INO80C: variants seen among roughly 807,000 people sequenced by gnomAD.
The protein encoded by INO80C is IES6 homolog.
In INO80C, 17 loss-of-function variants were observed where a neutral mutation model predicts 17.7. That is an observed-to-expected ratio of 0.96 (90% confidence interval 0.66 to 1.44). The LOEUF is 1.44. Among genes scored for constraint, INO80C ranks in the 40% most tolerant of loss-of-function variants. The pLI, the probability that INO80C is intolerant of heterozygous loss-of-function variation, is 0.00. For synonymous variants in INO80C, 96 were observed against 95.8 expected, an observed-to-expected ratio of 1.00 and a Z score of -0.01; for missense variants, 244 against 245.0, an observed-to-expected ratio of 1.00 and a Z score of 0.03.
chr18:35,485,262 C>T (rs1374933626), intron 1 of INO80C, among the ~76,000 whole-genome samples: 3 of 152,146 alleles, frequency 2.0e-5, no homozygotes, highest in East Asian at 1.9e-4. Context: ...CTAAAGGACA[C>T]GGGAGCCAGT....
chr18:35,495,071 T>C (rs1293668121), intron 1 of INO80C, among the ~76,000 whole-genome samples: 1 of 152,216 alleles, frequency 6.6e-6, no homozygotes, highest in East Asian at 1.9e-4. Context: ...GTACTGTGCT[T>C]ATGCCTGCTT....
At chr18:35,492,559 T>C (rs2045942940) in intron 1 of INO80C, among the ~76,000 whole-genome samples, 1 of 152,200 alleles carries the variant, frequency 6.6e-6, no homozygotes, top group Admixed American at 6.5e-5. Context: ...AAAAGGTAAT[T>C]TTAAAAATAG....
intron 4 of INO80C, among the ~76,000 whole-genome samples, chr18:35,477,684 C>T (rs1457637539): frequency 6.6e-6 from 1 of 152,172 alleles, no homozygotes; most frequent in Non-Finnish European, 1.5e-5. Context: ...TAGCAACTTG[C>T]CCACTTCCCA....
intron 3 of INO80C, 23 bp downstream of exon 3, chr18:35,479,277 A>G: frequency 1.4e-6 from 2 of 1,428,432 alleles, no homozygotes; most frequent in Non-Finnish European, 2.0e-6. Flanking sequence ...TTACAAACAC[A>G]TGGAAGGCTC....
At chr18:35,494,322 C>A (rs1264665820) in intron 1 of INO80C, among the ~76,000 whole-genome samples, 1 of 152,192 alleles carries the variant, frequency 6.6e-6, no homozygotes, top group Non-Finnish European at 1.5e-5. Flanking sequence ...AGACACTAAT[C>A]TAGGTGCAGC....
chr18:35,483,605 ATGAGTGATTCAT>A (rs2045840349), intron 1 of INO80C: 1 of 152,178 alleles, frequency 6.6e-6, no homozygotes, highest in African/African-American at 2.4e-5. Context: ...GTACCAAATA[ATGAGTGATTCAT>A]TGATTAACTG....
chr18:35,495,599 T>C (rs1176664792), intron 1 of INO80C, among the ~76,000 whole-genome samples: 2 of 152,170 alleles, frequency 1.3e-5, no homozygotes, highest in Admixed American at 1.3e-4. Context: ...CTGAAGGCAT[T>C]TGACCACTTT....
In INO80C at chr18:35,479,293, A is replaced by G; in HGVS notation, c.379+7T>C. ...TACAAACACATGGAAGGCTCTAGAC[A>G]GCTCACAGTTAGGATCGTTCAGTTG... On this transcript the variant is annotated splice_region_variant and intron_variant, in intron 3 of 4. Coordinates refer to ENST00000334598, the MANE Select transcript of INO80C (RefSeq NM_194281.4). The G allele has an allele frequency of 6.4e-7, 1 of 1,566,926 alleles. No homozygotes were observed. The highest frequency in any genetic ancestry group is 8.8e-7 in the Non-Finnish European group (1 of 1,137,028).
At chr18:35,483,043 C>A (rs1382273815) in intron 1 of INO80C, among the ~76,000 whole-genome samples, 1 of 152,154 alleles carries the variant, frequency 6.6e-6, no homozygotes, top group African/African-American at 2.4e-5. Flanking sequence ...TTTTCTGGTG[C>A]GATATCCATT....
At chr18:35,468,802 T>A in intron 4 of INO80C, 60 bp from the exon 5 acceptor site, 3 of 1,516,812 alleles carry the variant, frequency 2.0e-6, no homozygotes, top group Non-Finnish European at 2.7e-6. Flanking sequence ...ATATTTTAAG[T>A]TCAAGTTTAA....
intron 1 of INO80C, among the ~76,000 whole-genome samples, chr18:35,484,505 G>A (rs1364263387): frequency 6.6e-6 from 1 of 152,184 alleles, no homozygotes; most frequent in Non-Finnish European, 1.5e-5. Context: ...ACCACAGACA[G>A]AAGACATTTG....
intron 1 of INO80C, among the ~76,000 whole-genome samples, chr18:35,480,925 AG>A (rs1242400054): frequency 6.6e-6 from 1 of 152,276 alleles, no homozygotes; most frequent in Non-Finnish European, 1.5e-5. Context: ...CCAGGGGAAC[AG>A]GTTCAAGGTC....
chr18:35,495,554 T>C (rs1374044393), intron 1 of INO80C, among the ~76,000 whole-genome samples: 2 of 152,198 alleles, frequency 1.3e-5, no homozygotes, highest in African/African-American at 4.8e-5. Context: ...AGTTAAGATT[T>C]CCACCATATT....
At chr18:35,471,186 C>T (rs1290143653) in intron 4 of INO80C, among the ~76,000 whole-genome samples, 1 of 152,212 alleles carries the variant, frequency 6.6e-6, no homozygotes, top group Non-Finnish European at 1.5e-5. Flanking sequence ...CAGACGAACA[C>T]GTTCTCCTCT....
chr18:35,490,177 A>C (rs1256222232), intron 1 of INO80C, among the ~76,000 whole-genome samples: 1 of 152,142 alleles, frequency 6.6e-6, no homozygotes, highest in African/African-American at 2.4e-5. Flanking sequence ...GAGAAAGCCC[A>C]GGCCCACTGG....
chr18:35,497,361 G>A (rs1478398702), intron 1 of INO80C: 42 of 1,053,426 alleles, frequency 4.0e-5, no homozygotes, highest in South Asian at 2.6e-4. Flanking sequence ...AAGACACTGG[G>A]TAGATGTCTG....
At chr18:35,470,006 G>A (rs1030775368) in intron 4 of INO80C, among the ~76,000 whole-genome samples, 4 of 152,220 alleles carry the variant, frequency 2.6e-5, no homozygotes, top group East Asian at 1.9e-4. Context: ...GGGCTTCTAC[G>A]GATTTTGAAA....
At chr18:35,470,681 C>T (rs765143701) in intron 4 of INO80C, among the ~76,000 whole-genome samples, 4 of 152,064 alleles carry the variant, frequency 2.6e-5, no homozygotes, top group Admixed American at 2.0e-4. Flanking sequence ...GCCAAGAGGG[C>T]TGCTGAATAA....
chr18:35,482,732 T>C (rs149917572), intron 1 of INO80C, among the ~76,000 whole-genome samples: 26 of 152,262 alleles, frequency 1.7e-4, no homozygotes, highest in African/African-American at 6.3e-4. Context: ...CACAGTGATC[T>C]ATCTCTTCCT....
Sources: gnomAD v4.1 joint callset for allele counts (sites outside exome capture counted in the v4.1 genomes callset) on GRCh38, gnomAD v4.1.1 for gene constraint, MANE v1.5 for transcripts, NCBI Gene and HGNC (gene_info 2026-07-23, HGNC 2026-07-21) for gene names.